The following TSC1 variants were observed in gnomAD, a reference collection of about 807,000 sequenced individuals.
TSC1 encodes the protein hamartin.
In TSC1, 20 loss-of-function variants were observed where a neutral mutation model predicts 124.3. That is an observed-to-expected ratio of 0.16 (90% confidence interval 0.11 to 0.23). TSC1 has a LOEUF of 0.23. TSC1 is among the 10% of genes least tolerant of loss of function. The pLI is 1.00. For missense variants in TSC1, 1,124 were observed against 1,448.5 expected, an observed-to-expected ratio of 0.78 and a Z score of 3.64; for synonymous variants, 493 against 539.1, an observed-to-expected ratio of 0.91 and a Z score of 1.19.
rs145209641 is a variant in TSC1 at position 132,900,323 on chromosome 9, A to G, written c.2625+392T>C. Reference sequence around the variant, plus strand: ...GAACTACCATCTGCAGAAATCCAACATTAAAAGGAAAAAAAAAAATGGTAT... The same window carrying G: ...GAACTACCATCTGCAGAAATCCAACGTTAAAAGGAAAAAAAAAAATGGTAT... On this transcript the variant is annotated intron_variant, in intron 20 of 22. Coordinates refer to ENST00000298552, the MANE Select transcript of TSC1 (RefSeq NM_000368.5). 826 of 261,724 alleles carry G rather than the reference A, an allele frequency of 3.2e-3. 3 individuals carry two copies. The highest frequency in any genetic ancestry group is 3.9e-3 in the Non-Finnish European group (531 of 134,982). 16.2% of individuals were successfully genotyped at this position (261,724 alleles called of 1,614,324 possible). A position where few individuals can be genotyped will look rare whatever the true frequency, so the allele number is the denominator to read the frequency against.
chr9:132,945,109 G>C (rs1386545318), upstream of TSC1: 1 of 152,402 alleles, frequency 6.6e-6, no homozygotes, highest in African/African-American at 2.4e-5. Flanking sequence ...TCAGAGCAGC[G>C]ATCCTGTTTC....
At chr9:132,910,795 G>C in intron 11 of TSC1, 103 bp from the exon 12 acceptor site, 10 of 1,551,082 alleles carry the variant, frequency 6.4e-6, no homozygotes, top group Non-Finnish European at 8.9e-6. Flanking sequence ...AAAGCTGCTA[G>C]AGTTAACTTT....
rs1588287285 is a variant in TSC1, at chr9:132,896,578, G to A, written c.3152C>T (p.Pro1051Leu). 1 of 1,614,026 alleles carries A rather than the reference G, an allele frequency of 6.2e-7. No homozygotes were observed. The highest frequency in any genetic ancestry group is 1.1e-5 in the South Asian group (1 of 91,078). ...SSSELSTPEK[P>L]PHQRAGPFSS... ...GAATGGGCCTGCCCTCTGGTGTGGG[G>A]GTTTCTCTGGGGTAGAAAGCTCGCT... The change falls in exon 23 of 23, where the codon CCC (proline) becomes CTC (leucine). Residue 1051 changes from proline (P) to leucine (L), a missense_variant. Physicochemically the swap from Pro to Leu is moderately conservative, Grantham distance 98 (BLOSUM62 -3). This residue lies in a region of TSC1 where 325 missense variants were observed against 383.4 expected (regional missense o/e 0.85). Coordinates refer to ENST00000298552, the MANE Select transcript of TSC1 (RefSeq NM_000368.5). This position sits in a 1 kb window ranked among gnomAD's most constrained non-coding sequence, Gnocchi z 4.5.
At position 132,903,736 on chromosome 9, in the gene TSC1, T is replaced by C. The variant is rs1228730273; in HGVS notation, c.2123A>G (p.Lys708Arg). ...GTTCCGGAGGGCATGCTGCTGCCTC[T>C]TAAAACGCTCATAGAGTAACTGGTT... ...LHNQLLYERF[K>R]RQQHALRNRR... The change falls in exon 17 of 23, where the codon AAG becomes AGG. Residue 708 changes from lysine to arginine, a missense_variant. This residue lies in a region of TSC1 where 321 missense variants were observed against 397.4 expected (regional missense o/e 0.81). Coordinates refer to ENST00000298552, the MANE Select transcript of TSC1 (RefSeq NM_000368.5). The surrounding 1 kb of genome is among the most constrained non-coding windows in gnomAD (Gnocchi z 5.9). 1 of 1,613,546 alleles carries C rather than the reference T, an allele frequency of 6.2e-7. No homozygotes were observed. Among genetic ancestry groups the C allele is most frequent in the Admixed American group, 1.7e-5 (1 of 60,022 alleles).
rs1319228295 is a variant in TSC1, at chr9:132,943,173, T to G, written c.-144+1370A>C. Reference sequence around the variant, plus strand: ...TATCTCAGAAGAGTATTATTCTATTTTAGCACTTTTATAGCTTACTCTATG... The same window carrying G: ...TATCTCAGAAGAGTATTATTCTATTGTAGCACTTTTATAGCTTACTCTATG... On this transcript the variant is annotated intron_variant, in intron 1 of 22. Coordinates refer to ENST00000298552, the MANE Select transcript of TSC1 (RefSeq NM_000368.5). Among the ~76,000 whole-genome samples the G allele has an allele frequency of 1.3e-5, 2 of 152,158 alleles. 1 individual carries two copies. The highest frequency in any genetic ancestry group is 4.8e-5 in the African/African-American group (2 of 41,420).
At chr9:132,943,498 T>G (rs770309477) in intron 1 of TSC1, 1 of 152,158 alleles carries the variant, frequency 6.6e-6, no homozygotes, top group Non-Finnish European at 1.5e-5. Flanking sequence ...ACAGATAAAT[T>G]TAAGAGTCAT....
chr9:132,922,068 T>TA, intron 6 of TSC1, 95 bp from the exon 7 acceptor site: 1 of 1,420,202 alleles, frequency 7.0e-7, no homozygotes, highest in Non-Finnish European at 9.9e-7. Context: ...CAGGACTTTT[T>TA]ATCTATGTAT....
At chr9:132,936,581 T>C (rs1221619798) in intron 1 of TSC1, among the ~76,000 whole-genome samples, 1 of 152,230 alleles carries the variant, frequency 6.6e-6, no homozygotes, top group African/African-American at 2.4e-5. Flanking sequence ...TAAATATCCA[T>C]GCTAAATGAG....
At chr9:132,942,583 C>T (rs775798497) in intron 1 of TSC1, among the ~76,000 whole-genome samples, 1 of 152,132 alleles carries the variant, frequency 6.6e-6, no homozygotes, top group Non-Finnish European at 1.5e-5. Flanking sequence ...AGGAAGAGGA[C>T]AACTGAGTCA....
At chr9:132,927,779 C>T (rs141720362) in intron 3 of TSC1, among the ~76,000 whole-genome samples, 1 of 152,196 alleles carries the variant, frequency 6.6e-6, no homozygotes, top group Non-Finnish European at 1.5e-5. Context: ...CCCGCCTCGG[C>T]CTCCCCAAGT....
At chr9:132,907,268 C>T (rs1484845192) in intron 13 of TSC1, 33 bp downstream of exon 13, 4 of 1,584,700 alleles carry the variant, frequency 2.5e-6, no homozygotes, top group Non-Finnish European at 2.6e-6. Context: ...TTAGAAGAGG[C>T]AAGCAAGGCC....
At chr9:132,919,520 G>A (rs182224408) in intron 8 of TSC1, among the ~76,000 whole-genome samples, 9 of 152,288 alleles carry the variant, frequency 5.9e-5, no homozygotes, top group African/African-American at 2.2e-4. Context: ...GAAGCAGGGT[G>A]GCAATGGAAT....
At position 132,906,718 on chromosome 9, in the gene TSC1, C is replaced by G; in HGVS notation, c.1438+13G>C. On this transcript the variant is annotated intron_variant, in intron 14 of 22. Coordinates refer to ENST00000298552, the MANE Select transcript of TSC1 (RefSeq NM_000368.5). The surrounding 1 kb of genome is among the most constrained non-coding windows in gnomAD (Gnocchi z 4.1). ...CAGGTTTTATCAACTCATAGCAATC[C>G]CACATACATTACCTTCTTCTTTATC... is the stretch of plus-strand genomic sequence containing the variant. 6.2e-7 allele frequency: 1 copy of G among 1,606,176 alleles called. No homozygotes were observed. Among genetic ancestry groups the G allele is most frequent in the Non-Finnish European group, 8.5e-7 (1 of 1,173,806 alleles).
Position 132,897,403 on chromosome 9 carries a change from C to G in TSC1, c.2813+20G>C, listed in dbSNP as rs1248846588. 2.5e-6 allele frequency: 4 copies of G among 1,614,024 alleles called. No homozygotes were observed. Among genetic ancestry groups the G allele is most frequent in the Non-Finnish European group, 3.4e-6 (4 of 1,180,040 alleles). ...GTTCCACTTAATAAAAACACAAAAGCCTTTCCTGATGAAAGTTACCTTGCC... is the reference window on the plus strand; with the variant it reads ...GTTCCACTTAATAAAAACACAAAAGGCTTTCCTGATGAAAGTTACCTTGCC... On this transcript the variant is annotated intron_variant, in intron 21 of 22. Coordinates refer to ENST00000298552, the MANE Select transcript of TSC1 (RefSeq NM_000368.5).
intron 1 of TSC1, chr9:132,941,226 AAGTT>A (rs1288334801): frequency 3.9e-5 from 6 of 152,252 alleles, no homozygotes; most frequent in Non-Finnish European, 1.5e-5. Context: ...TTCATAATAA[AAGTT>A]AGCACTGAAC....
chr9:132,909,879 A>G (rs1845851654), intron 12 of TSC1: 1 of 152,578 alleles, frequency 6.6e-6, no homozygotes, highest in Non-Finnish European at 1.5e-5. Flanking sequence ...GCCTCTTGGG[A>G]TAGGACACTT....
chr9:132,904,594 T>C (rs1007224128), intron 15 of TSC1, 140 bp from the exon 16 acceptor site: 3 of 851,566 alleles, frequency 3.5e-6, no homozygotes, highest in African/African-American at 3.4e-5. Context: ...AAACTCCAGG[T>C]CCACAGAGAG....
At chr9:132,920,607 G>C (rs1367181369) in intron 8 of TSC1, among the ~76,000 whole-genome samples, 1 of 152,080 alleles carries the variant, frequency 6.6e-6, no homozygotes, top group Admixed American at 6.6e-5. Flanking sequence ...TTCGCTGTTG[G>C]GGGATCAGGC....
At chr9:132,907,217 G>C (rs921461753) in intron 13 of TSC1, 84 bp downstream of exon 13, 2 of 1,197,264 alleles carry the variant, frequency 1.7e-6, no homozygotes, top group African/African-American at 3.0e-5. Context: ...GAATTTCCTT[G>C]TTTCCATTTA....
Sources: gnomAD v4.1 joint callset for allele counts (sites outside exome capture counted in the v4.1 genomes callset) on GRCh38, gnomAD v4.1.1 for gene constraint, gnomAD v4.1.1 regional missense constraint, Gnocchi (gnomAD v3.1) non-coding constraint, MANE v1.5 for transcripts, NCBI Gene and HGNC (gene_info 2026-07-23, HGNC 2026-07-21) for gene names.